Variants in TFDP2 observed in about 807,000 individuals in gnomAD.
TFDP2 encodes transcription factor Dp-2.
Under a neutral mutation model 59.3 loss-of-function variants are expected in TFDP2, and 17 were observed. That is an observed-to-expected ratio of 0.29 (90% CI 0.20 to 0.43). The LOEUF (loss-of-function observed/expected upper bound fraction) is 0.43, where lower values mean the gene tolerates loss of function less well. Ranked by LOEUF, TFDP2 falls within the 20% of genes least tolerant of loss-of-function variation. The pLI, the probability that TFDP2 is intolerant of heterozygous loss-of-function variation, is 1.00. For synonymous variants in TFDP2, 180 were observed against 194.7 expected, an observed-to-expected ratio of 0.92 and a Z score of 0.63; for missense variants, 391 against 528.8, an observed-to-expected ratio of 0.74 and a Z score of 2.56.
chr3:142,042,622 TTTC>T (rs1470726159), intron 3 of TFDP2, among the ~76,000 whole-genome samples: 8 of 108,880 alleles, frequency 7.3e-5, no homozygotes, highest in Non-Finnish European at 1.2e-4. Flanking sequence ...TTTCTTTTCT[TTTC>T]TTTTCTTTTT....
At chr3:141,997,298 T>TA (rs1181845459) in intron 4 of TFDP2, among the ~76,000 whole-genome samples, 1 of 152,116 alleles carries the variant, frequency 6.6e-6, no homozygotes, top group Non-Finnish European at 1.5e-5. Context: ...TAAAATCCAC[T>TA]AAAAAAATAC....
At chr3:142,003,503 G>A (rs1430527889) in intron 4 of TFDP2, among the ~76,000 whole-genome samples, 2 of 152,044 alleles carry the variant, frequency 1.3e-5, no homozygotes, top group Admixed American at 1.3e-4. Context: ...TTCCCCAAAG[G>A]CTCTATCCCT....
At chr3:142,104,333 A>G (rs1423130315) in intron 1 of TFDP2, among the ~76,000 whole-genome samples, 2 of 151,466 alleles carry the variant, frequency 1.3e-5, no homozygotes, top group Non-Finnish European at 3.0e-5. Context: ...ATTCAAACTA[A>G]TAATTTAAAG....
intron 1 of TFDP2, among the ~76,000 whole-genome samples, chr3:142,134,348 CAAA>C (rs71878913): frequency 4.0e-5 from 5 of 126,568 alleles, no homozygotes; most frequent in Admixed American, 8.5e-5. Context: ...GACCCCATCT[CAAA>C]AAAAAAAAAA....
intron 6 of TFDP2, among the ~76,000 whole-genome samples, chr3:141,986,382 ATC>A (rs1298078549): frequency 6.6e-6 from 1 of 152,214 alleles, no homozygotes; most frequent in African/African-American, 2.4e-5. Flanking sequence ...CCTCAAGAAT[ATC>A]TGTTACCATG....
At chr3:141,959,464 T>C (rs1229309485) in intron 11 of TFDP2, among the ~76,000 whole-genome samples, 2 of 152,172 alleles carry the variant, frequency 1.3e-5, no homozygotes, top group African/African-American at 2.4e-5. Flanking sequence ...TAGTATATAA[T>C]GTGTGGTGTA....
In TFDP2 at chr3:142,019,228, C is replaced by A. The variant is rs79074060; in HGVS notation, c.83-13684G>T. Among the ~76,000 whole-genome samples, 324 of 151,990 alleles carry A rather than the reference C, an allele frequency of 2.1e-3. 2 individuals carry two copies. Among genetic ancestry groups the A allele is most frequent in the African/African-American group, 7.4e-3 (309 of 41,484 alleles). On this transcript the variant is annotated intron_variant, in intron 3 of 12. Transcript: ENST00000489671. Reference sequence around the variant, plus strand: ...TACAGGCATGTGTCACCATGCCCAACTAATTTTGTATTTTTAGTAGAGACG... The same window carrying A: ...TACAGGCATGTGTCACCATGCCCAAATAATTTTGTATTTTTAGTAGAGACG...
chr3:141,979,035 T>C (rs1476693538), intron 6 of TFDP2, among the ~76,000 whole-genome samples: 1 of 152,218 alleles, frequency 6.6e-6, no homozygotes, highest in Non-Finnish European at 1.5e-5. Flanking sequence ...TCCTACTCTA[T>C]GTAGATTATA....
intron 1 of TFDP2, among the ~76,000 whole-genome samples, chr3:142,139,464 A>G (rs2062856265): frequency 6.6e-6 from 1 of 152,110 alleles, no homozygotes. Flanking sequence ...CATAGCATTC[A>G]TGGTCTTTAA....
intron 3 of TFDP2, among the ~76,000 whole-genome samples, chr3:142,055,559 G>C (rs56128490): frequency 0.084 from 12,846 of 152,206 alleles, 680 homozygotes; most frequent in Middle Eastern, 0.14. Context: ...TGCCCAAGAA[G>C]TCACCTTTAG....
intron 7 of TFDP2, among the ~76,000 whole-genome samples, chr3:141,978,306 C>T (rs1439623425): frequency 6.6e-6 from 1 of 151,618 alleles, no homozygotes; most frequent in South Asian, 2.1e-4. Context: ...GATCGCGCCA[C>T]TGAACTCCAG....
chr3:141,975,297 C>T (rs4315665), intron 7 of TFDP2, among the ~76,000 whole-genome samples: 17,728 of 151,926 alleles, frequency 0.12, 1,281 homozygotes, highest in East Asian at 0.18. Flanking sequence ...GGAAATGCAA[C>T]GATAATAAAG....
chr3:142,077,130 C>G (rs1456929561), intron 3 of TFDP2, among the ~76,000 whole-genome samples: 1 of 152,186 alleles, frequency 6.6e-6, no homozygotes, highest in African/African-American at 2.4e-5. Flanking sequence ...ACAGAGGGAA[C>G]ATATAGAACA....
At chr3:142,129,409 G>A (rs2062406686) in intron 1 of TFDP2, among the ~76,000 whole-genome samples, 1 of 151,826 alleles carries the variant, frequency 6.6e-6, no homozygotes, top group African/African-American at 2.4e-5. Flanking sequence ...TTAAAAAAAG[G>A]TGGAGAATGA....
intron 3 of TFDP2, among the ~76,000 whole-genome samples, chr3:142,052,563 T>C (rs963550005): frequency 9.9e-5 from 15 of 151,960 alleles, no homozygotes; most frequent in African/African-American, 3.4e-4. Context: ...AAAGAAAACC[T>C]TAGTATTATT....
intron 6 of TFDP2, 53 bp from the exon 7 acceptor site, chr3:141,978,735 T>C: frequency 1.5e-6 from 2 of 1,325,518 alleles, no homozygotes; most frequent in Non-Finnish European, 2.0e-6. Flanking sequence ...GAGACTTTCT[T>C]TACAAATCTC....
chr3:141,963,917 T>C lies in TFDP2; in HGVS notation c.779A>G (p.Gln260Arg), dbSNP rs1379956081. Residue 260 changes from glutamine to arginine, a missense_variant, in exon 10 of 13, where the codon CAG becomes CGG. By Grantham distance (43) the Gln-to-Arg change is conservative. Transcript: ENST00000489671. Reference sequence around the variant, plus strand: ...CAGAGCCGGCGGGCCCTGGTTTTGCTGCTCATTTTGTCGATTTCTCTGTAC... The same window carrying C: ...CAGAGCCGGCGGGCCCTGGTTTTGCCGCTCATTTTGTCGATTTCTCTGTAC... ...NLVQRNRQNE[Q>R]QNQGPPALNS... 5.0e-6 allele frequency: 8 copies of C among 1,613,758 alleles called. No homozygotes were observed. The highest frequency in any genetic ancestry group is 2.7e-5 in the African/African-American group (2 of 74,850).
chr3:142,088,834 T>A (rs1045318238), intron 3 of TFDP2, among the ~76,000 whole-genome samples: 2 of 151,270 alleles, frequency 1.3e-5, no homozygotes, highest in Admixed American at 1.3e-4. Context: ...GGATTTAATA[T>A]CTTTTTTTTT....
intron 3 of TFDP2, among the ~76,000 whole-genome samples, chr3:142,030,021 G>T (rs922361014): frequency 2.6e-5 from 4 of 152,298 alleles, no homozygotes; most frequent in African/African-American, 9.6e-5. Context: ...TCCAGGAGAC[G>T]CTGTAAAGTA....
Sources: allele counts gnomAD v4.1 joint callset (sites outside exome capture counted in the v4.1 genomes callset), GRCh38; gene constraint gnomAD v4.1.1; transcripts MANE v1.5; gene names NCBI Gene and HGNC (gene_info 2026-07-23, HGNC 2026-07-21).